EFCAB10: variants seen among roughly 807,000 people sequenced by gnomAD.
EFCAB10 encodes EF-hand calcium binding domain 10.
Under a neutral mutation model 7.7 loss-of-function variants are expected in EFCAB10, and 7 were observed. That is an observed-to-expected ratio of 0.91 (90% CI 0.52 to 1.72). EFCAB10 has a LOEUF of 1.72. Among genes scored for constraint, EFCAB10 ranks in the 40% most tolerant of loss-of-function variants. The probability of loss-of-function intolerance (pLI) is 0.00; values close to 1 mark genes in which losing one functional copy is unlikely to be tolerated. For missense variants in EFCAB10, 112 were observed against 61.5 expected, an observed-to-expected ratio of 1.82 and a Z score of -2.74; for synonymous variants, 52 against 21.0, an observed-to-expected ratio of 2.47 and a Z score of -4.03.
At chr7:105,577,715 ATTTT>A (rs5886360) in intron 1 of EFCAB10, among the ~76,000 whole-genome samples, 1 of 140,642 alleles carries the variant, frequency 7.1e-6, no homozygotes. Context: ...TGTCTGTTCA[ATTTT>A]TTTTTTTTTT....
chr7:105,574,134 A>G (rs995015939), intron 1 of EFCAB10, among the ~76,000 whole-genome samples: 5 of 148,202 alleles, frequency 3.4e-5, no homozygotes, highest in South Asian at 4.3e-4. Context: ...GTATATATAT[A>G]TATATATATA....
chr7:105,578,070 T>C (rs1792131176), intron 1 of EFCAB10, among the ~76,000 whole-genome samples: 1 of 152,202 alleles, frequency 6.6e-6, no homozygotes, highest in Non-Finnish European at 1.5e-5. Flanking sequence ...AGCCTGTCTT[T>C]TTAAATTTTG....
In EFCAB10 at chr7:105,565,134, G is replaced by A. The variant is rs986037550; in HGVS notation, c.*313C>T. On this transcript the variant is annotated 3_prime_UTR_variant, in exon 5 of 5. Coordinates refer to ENST00000480514, the MANE Select transcript of EFCAB10 (RefSeq NM_001355526.2). ...ATAAATACAGGTACATTTATTTTCT[G>A]ATAGAGCTTTTAATGTTAGGCTGTA... 106 of 575,238 alleles carry A rather than the reference G, an allele frequency of 1.8e-4. 1 individual carries two copies. In the African/African-American group the frequency reaches 1.9e-3, roughly 10 times the overall value. 35.6% of individuals were successfully genotyped at this position (575,238 alleles called of 1,614,324 possible).
intron 1 of EFCAB10, among the ~76,000 whole-genome samples, chr7:105,575,115 CAAA>C (rs541720724): frequency 5.4e-5 from 6 of 111,016 alleles, no homozygotes; most frequent in African/African-American, 6.6e-5. Context: ...AACTCTGTCT[CAAA>C]AAAAAAAAAA....
chr7:105,570,244 T>A (rs369293949), intron 1 of EFCAB10, among the ~76,000 whole-genome samples: 551 of 30,738 alleles, frequency 0.018, 4 homozygotes, highest in East Asian at 0.03. Flanking sequence ...AAAAAAAATA[T>A]ATATATATAT....
chr7:105,577,857 C>A (rs1416924238), intron 1 of EFCAB10, among the ~76,000 whole-genome samples: 8 of 152,048 alleles, frequency 5.3e-5, no homozygotes, highest in African/African-American at 1.9e-4. Flanking sequence ...TAACTGATTA[C>A]AAGCATGTGC....
chr7:105,574,934 T>TAAAA (rs1209254689), intron 1 of EFCAB10, among the ~76,000 whole-genome samples: 1 of 103,570 alleles, frequency 9.7e-6, no homozygotes, highest in South Asian at 3.4e-4. Flanking sequence ...TATCCCTACT[T>TAAAA]AAAAAAAAAA....
intron 1 of EFCAB10, among the ~76,000 whole-genome samples, chr7:105,578,362 T>A (rs1481383181): frequency 2.0e-5 from 3 of 152,246 alleles, no homozygotes; most frequent in South Asian, 2.1e-4. Flanking sequence ...ATTCTTCTGA[T>A]AAAAATTATA....
chr7:105,568,682 T>C (rs1791855688), intron 3 of EFCAB10, among the ~76,000 whole-genome samples: 1 of 151,978 alleles, frequency 6.6e-6, no homozygotes, highest in Admixed American at 6.6e-5. Flanking sequence ...GCACAGCCCA[T>C]TACATGCCTG....
chr7:105,572,860 C>T (rs1791984726), intron 1 of EFCAB10: 1 of 152,144 alleles, frequency 6.6e-6, no homozygotes, highest in Non-Finnish European at 1.5e-5. Flanking sequence ...GCCTTTCTAA[C>T]AGGTGTGAGG....
chr7:105,567,268 T>G lies in EFCAB10; in HGVS notation c.383+199A>C, dbSNP rs1337308511. 2.5e-6 allele frequency: 4 copies of G among 1,609,392 alleles called. No homozygotes were observed. In the South Asian group the frequency reaches 3.4e-5, roughly 13 times the overall value. On this transcript the variant is annotated intron_variant, in intron 4 of 4. Transcript: ENST00000480514. ...AAACTGGCTCAACAAGATGTTGAGA[T>G]TCTACTTAATTTGAGGACAAATTGG...
intron 1 of EFCAB10, chr7:105,571,988 G>A (rs1407474945): frequency 6.6e-6 from 1 of 152,188 alleles, no homozygotes; most frequent in Non-Finnish European, 1.5e-5. Context: ...TAGAGCTTAT[G>A]TTGAGAAATA....
chr7:105,570,240 A>AATATATATATATATATATATATAT (rs1190599721), intron 1 of EFCAB10, among the ~76,000 whole-genome samples: 2 of 24,902 alleles, frequency 8.0e-5, no homozygotes, highest in Non-Finnish European at 1.6e-4. Flanking sequence ...AAAAAAAAAA[A>AATATATATATATATATATATATAT]ATATATATAT....
At chr7:105,576,437 C>A (rs1481612582) in intron 1 of EFCAB10, among the ~76,000 whole-genome samples, 2 of 148,192 alleles carry the variant, frequency 1.3e-5, no homozygotes, top group African/African-American at 2.6e-5. Context: ...TTAAGGAATT[C>A]TCATCATCAT....
chr7:105,570,294 C>T (rs77371672), intron 1 of EFCAB10, among the ~76,000 whole-genome samples: 2 of 123,150 alleles, frequency 1.6e-5, no homozygotes, highest in Admixed American at 9.3e-5. Flanking sequence ...TACATATACA[C>T]ATACACACAC....
chr7:105,565,617 T>G lies in EFCAB10; in HGVS notation c.*-170A>C. 1 of 1,612,196 alleles carries G rather than the reference T, an allele frequency of 6.2e-7. No homozygotes were observed. Among genetic ancestry groups the G allele is most frequent in the Non-Finnish European group, 8.5e-7 (1 of 1,178,556 alleles). On this transcript the variant is annotated intron_variant, in intron 4 of 4. Coordinates refer to ENST00000480514, the MANE Select transcript of EFCAB10 (RefSeq NM_001355526.2). Reference sequence around the variant, plus strand: ...GAATCTTTTCCCTTTGTTTTCTCACTATTGCAAGAGACCAGAAAATTATTT... The same window carrying G: ...GAATCTTTTCCCTTTGTTTTCTCACGATTGCAAGAGACCAGAAAATTATTT...
At position 105,575,817 on chromosome 7, in the gene EFCAB10, C is replaced by T. The variant is rs548849246; in HGVS notation, c.106+5541G>A. Among the ~76,000 whole-genome samples, 46 of 152,188 alleles carry T rather than the reference C, an allele frequency of 3.0e-4. 1 individual carries two copies. The highest frequency in any genetic ancestry group is 8.3e-4 in the South Asian group (4 of 4,822). ...CTTTGGGAGGCCGAGGTGGGAGGAT[C>T]GCCTGAGGTTGGGAGTTCGAGACCA... On this transcript the variant is annotated intron_variant, in intron 1 of 4. Coordinates refer to ENST00000480514, the MANE Select transcript of EFCAB10 (RefSeq NM_001355526.2).
intron 1 of EFCAB10, among the ~76,000 whole-genome samples, chr7:105,578,646 T>C (rs1792145120): frequency 6.6e-6 from 1 of 152,210 alleles, no homozygotes; most frequent in African/African-American, 2.4e-5. Context: ...ACTTGCCTCA[T>C]AGCCAGATCA....
At chr7:105,575,310 CAT>C in intron 1 of EFCAB10, among the ~76,000 whole-genome samples, 1 of 151,720 alleles carries the variant, frequency 6.6e-6, no homozygotes, top group East Asian at 1.9e-4. Flanking sequence ...TATACACATA[CAT>C]ATATATATAT....
Sources: allele counts gnomAD v4.1 joint callset (sites outside exome capture counted in the v4.1 genomes callset), GRCh38; gene constraint gnomAD v4.1.1; transcripts MANE v1.5; gene names NCBI Gene and HGNC (gene_info 2026-07-23, HGNC 2026-07-21).